Variants in NCKAP1 observed in about 807,000 individuals in gnomAD.
NCKAP1 encodes the protein nck-associated protein 1.
In NCKAP1, 21 loss-of-function variants were observed where a neutral mutation model predicts 151.2. The ratio of observed to expected loss-of-function variants is 0.14; its 90% confidence interval spans 0.10 to 0.20. NCKAP1 has a LOEUF of 0.20. Ranked by LOEUF, NCKAP1 falls within the 10% of genes least tolerant of loss-of-function variation. The probability of loss-of-function intolerance (pLI) is 1.00; values close to 1 mark genes in which losing one functional copy is unlikely to be tolerated. For synonymous variants in NCKAP1, 484 were observed against 451.8 expected (o/e 1.07, Z -0.90); for missense variants, 933 against 1,352.1 (o/e 0.69, Z 4.86).
intron 1 of NCKAP1, chr2:183,024,938 C>T (rs766202532): frequency 2.5e-6 from 4 of 1,607,906 alleles, no homozygotes; most frequent in Admixed American, 3.3e-5. Flanking sequence ...GATCTGAAAG[C>T]GGGCAAGCGG....
chr2:183,001,905 G>C lies in NCKAP1; in HGVS notation c.603+48C>G, dbSNP rs764092674. The C allele has an allele frequency of 4.0e-5, 59 of 1,483,954 alleles. No homozygotes were observed. In the Admixed American group the frequency reaches 7.5e-4, roughly 19 times the overall value. 91.9% of individuals were successfully genotyped at this position (1,483,954 alleles called of 1,614,324 possible). A position where few individuals can be genotyped will look rare whatever the true frequency, so the allele number is the denominator to read the frequency against. Reference sequence around the variant, plus strand: ...CCTTTATCCAACCATCCATCCTCATGCTATGTTATATGCCCATTCTCTCAT... The same window carrying C: ...CCTTTATCCAACCATCCATCCTCATCCTATGTTATATGCCCATTCTCTCAT... On this transcript the variant is annotated intron_variant, in intron 6 of 30. Transcript: ENST00000361354.
At chr2:182,952,734 A>G (rs1697239115) in intron 22 of NCKAP1, 59 bp downstream of exon 22, 6 of 1,470,158 alleles carry the variant, frequency 4.1e-6, no homozygotes, top group Non-Finnish European at 5.5e-6. Flanking sequence ...AAGAATCAAG[A>G]CACTAGCAAA....
chr2:183,034,342 C>T (rs1323827030), intron 1 of NCKAP1, among the ~76,000 whole-genome samples: 2 of 149,056 alleles, frequency 1.3e-5, no homozygotes, highest in Admixed American at 1.3e-4. Flanking sequence ...TTTAAACCAC[C>T]ACAATACTCC....
chr2:182,978,990 G>A (rs891795409), intron 13 of NCKAP1, 75 bp from the exon 14 acceptor site: 12 of 946,598 alleles, frequency 1.3e-5, no homozygotes, highest in Middle Eastern at 2.4e-4. Flanking sequence ...ATTAGTGGAC[G>A]GATAAACAAA....
intron 2 of NCKAP1, among the ~76,000 whole-genome samples, chr2:183,021,845 A>C (rs1698803531): frequency 6.6e-6 from 1 of 152,174 alleles, no homozygotes; most frequent in Non-Finnish European, 1.5e-5. Flanking sequence ...GTGGTGATGA[A>C]AATGTTCTAA....
chr2:182,959,537 G>A (rs879702052), intron 18 of NCKAP1, among the ~76,000 whole-genome samples: 1 of 152,052 alleles, frequency 6.6e-6, no homozygotes, highest in Non-Finnish European at 1.5e-5. Flanking sequence ...AAATTCAACA[G>A]CCCTTTATGC....
At chr2:182,948,403 G>C (rs964540817) in intron 23 of NCKAP1, among the ~76,000 whole-genome samples, 1 of 152,060 alleles carries the variant, frequency 6.6e-6, no homozygotes, top group Non-Finnish European at 1.5e-5. Flanking sequence ...ATTGTTTACA[G>C]TCGTTCCGCA....
rs1698052123 is a variant in NCKAP1 at position 182,986,151 on chromosome 2, GATAAA to G, written c.1004+15_1004+19del. ...ATTTTTCTTGATTAAAGCTACCACG[GATAAA>G]ATAAAACTACTCACGCATGTGACAC... On this transcript the variant is annotated intron_variant, in intron 10 of 30. Transcript: ENST00000361354. 1.2e-6 allele frequency: 2 copies of G among 1,609,874 alleles called. No individual in the cohort carries two copies. The highest frequency in any genetic ancestry group is 1.1e-5 in the South Asian group (1 of 90,904).
chr2:182,954,359 A>AC (rs1215293835), intron 20 of NCKAP1, among the ~76,000 whole-genome samples: 2 of 152,032 alleles, frequency 1.3e-5, no homozygotes, highest in Non-Finnish European at 2.9e-5. Flanking sequence ...TACACTGACC[A>AC]CCCCTATTTC....
chr2:182,975,028 T>A (rs1697776768), intron 15 of NCKAP1, among the ~76,000 whole-genome samples: 1 of 152,166 alleles, frequency 6.6e-6, no homozygotes, highest in Non-Finnish European at 1.5e-5. Context: ...TCTAAAATTC[T>A]CTGAGCCCAA....
In NCKAP1 at chr2:182,983,331, T is replaced by C. The variant is rs1458079797; in HGVS notation, c.1056A>G (p.Glu352=). 20 of 1,613,494 alleles carry C rather than the reference T, an allele frequency of 1.2e-5. No homozygotes were observed. Among genetic ancestry groups the C allele is most frequent in the Non-Finnish European group, 1.7e-5 (20 of 1,179,496 alleles). ...GTTGATCAGAGAGGACAGTAGCCAATTCCTTCAGTGCAGATCTTAAAAACT... is the reference window on the plus strand; with the variant it reads ...GTTGATCAGAGAGGACAGTAGCCAACTCCTTCAGTGCAGATCTTAAAAACT... The part of the protein sequence containing the change: ...RRKFLRSALK[E]LATVLSDQPG... The change falls in exon 11 of 31, where the codon GAA becomes GAG. Residue 352 remains glutamate (E), a synonymous_variant. Transcript: ENST00000361354.
chr2:183,029,915 C>A (rs984456570), intron 1 of NCKAP1, among the ~76,000 whole-genome samples: 1 of 151,188 alleles, frequency 6.6e-6, no homozygotes, highest in South Asian at 2.1e-4. Context: ...ATTTACTGTG[C>A]AATTATTGTG....
chr2:182,980,505 A>G (rs1246624360), intron 13 of NCKAP1, among the ~76,000 whole-genome samples: 5 of 152,132 alleles, frequency 3.3e-5, no homozygotes, highest in Non-Finnish European at 5.9e-5. Flanking sequence ...TATAAAGTGA[A>G]GCAAAATAAA....
intron 1 of NCKAP1, chr2:183,025,038 A>C: frequency 1.9e-6 from 3 of 1,588,568 alleles, no homozygotes; most frequent in Non-Finnish European, 2.6e-6. Context: ...TTACGTGTAA[A>C]CAATGATTGT....
chr2:183,020,460 G>A (rs1698773694), intron 2 of NCKAP1, among the ~76,000 whole-genome samples: 1 of 112,674 alleles, frequency 8.9e-6, no homozygotes, highest in Non-Finnish European at 1.7e-5. Flanking sequence ...GCAGGACCGT[G>A]TCCCAAAAAA....
chr2:182,953,074 A>T, intron 21 of NCKAP1, 39 bp downstream of exon 21: 1 of 1,549,388 alleles, frequency 6.5e-7, no homozygotes, highest in East Asian at 2.3e-5. Context: ...CTTCATTACA[A>T]ATTTTCCGCT....
intron 8 of NCKAP1, among the ~76,000 whole-genome samples, chr2:182,990,982 T>C (rs528696744): frequency 6.8e-4 from 103 of 152,294 alleles, no homozygotes; most frequent in African/African-American, 2.4e-3. Context: ...ACAGAATACA[T>C]GTATGAAAGA....
Position 182,930,753 on chromosome 2 carries a change from G to A in NCKAP1, c.2895C>T (p.Ala965=), listed in dbSNP as rs761831972. ...CAGGATCAATCTCACAAGGTAATCC[G>A]GCAGCTGATGATAACTCATACACAT... ...AMNVYELSSA[A]GLPCEIDPAL... is the part of the protein sequence containing the mutation. Residue 965 remains alanine (A), a synonymous_variant, in exon 27 of 31, where the codon GCC becomes GCT. Coordinates refer to ENST00000361354, the MANE Select transcript of NCKAP1 (RefSeq NM_013436.5). The A allele has an allele frequency of 1.7e-5, 27 of 1,613,164 alleles. No individual in the cohort carries two copies. The highest frequency in any genetic ancestry group is 8.0e-5 in the African/African-American group (6 of 74,862).
At chr2:183,024,888 G>A (rs1698866886) in intron 1 of NCKAP1, 5 of 1,433,250 alleles carry the variant, frequency 3.5e-6, no homozygotes, top group Admixed American at 3.5e-5. Flanking sequence ...CTATGGCTAT[G>A]TTGTGGATTG....
Sources: allele counts gnomAD v4.1 joint callset (sites outside exome capture counted in the v4.1 genomes callset), GRCh38; gene constraint gnomAD v4.1.1; transcripts MANE v1.5; gene names NCBI Gene and HGNC (gene_info 2026-07-23, HGNC 2026-07-21).